Variants in KAT2B observed in about 807,000 individuals in gnomAD.
The protein encoded by KAT2B is histone acetyltransferase KAT2B.
Under a neutral mutation model 105.9 loss-of-function variants are expected in KAT2B, and 36 were observed. The observed-to-expected ratio is 0.34, with a 90% CI of 0.26 to 0.45. The LOEUF is 0.45. KAT2B is among the 20% of genes least tolerant of loss of function. The pLI is 1.00. For synonymous variants in KAT2B, 397 were observed against 377.9 expected, an observed-to-expected ratio of 1.05 and a Z score of -0.59; for missense variants, 820 against 1,021.6, an observed-to-expected ratio of 0.80 and a Z score of 2.69.
intron 1 of KAT2B, among the ~76,000 whole-genome samples, chr3:20,055,414 G>A (rs1697988267): frequency 6.6e-6 from 1 of 152,178 alleles, no homozygotes; most frequent in East Asian, 1.9e-4. Context: ...ACAGAAAGTG[G>A]TAAGTGCCTC....
At chr3:20,062,433 T>C in intron 1 of KAT2B, among the ~76,000 whole-genome samples, 1 of 116,668 alleles carries the variant, frequency 8.6e-6, no homozygotes, top group Admixed American at 1.2e-4. Flanking sequence ...ATATATAATA[T>C]ATAATATATA....
At chr3:20,090,544 C>A (rs909202276) in intron 2 of KAT2B, among the ~76,000 whole-genome samples, 3 of 152,148 alleles carry the variant, frequency 2.0e-5, no homozygotes, top group Non-Finnish European at 4.4e-5. Context: ...ATTAATTCCT[C>A]TTGCTCGTGG....
intron 1 of KAT2B, among the ~76,000 whole-genome samples, chr3:20,063,493 A>C (rs1222986936): frequency 7.0e-6 from 1 of 142,306 alleles, no homozygotes; most frequent in Non-Finnish European, 1.5e-5. Context: ...GCTGGAGTGC[A>C]GTGGTGCGAT....
intron 8 of KAT2B, among the ~76,000 whole-genome samples, chr3:20,121,458 C>A (rs772251043): frequency 7.9e-5 from 12 of 152,124 alleles, no homozygotes; most frequent in Non-Finnish European, 1.3e-4. Flanking sequence ...AACTACCATG[C>A]AATCTCATGA....
At chr3:20,138,071 AT>A (rs1179451114) in intron 12 of KAT2B, among the ~76,000 whole-genome samples, 1 of 152,146 alleles carries the variant, frequency 6.6e-6, no homozygotes, top group South Asian at 2.1e-4. Flanking sequence ...ATTCCTAAAC[AT>A]TTTCATTTAC....
chr3:20,125,334 A>G (rs1288079523), intron 9 of KAT2B, among the ~76,000 whole-genome samples: 1 of 151,146 alleles, frequency 6.6e-6, no homozygotes, highest in Admixed American at 6.6e-5. Context: ...AAGAATATAT[A>G]CATGAGTGCT....
At chr3:20,122,938 G>A in intron 9 of KAT2B, 134 bp downstream of exon 9, 1 of 1,383,720 alleles carries the variant, frequency 7.2e-7, no homozygotes, top group Non-Finnish European at 9.4e-7. Flanking sequence ...TAACCTGGTG[G>A]TCAGTGTGGA....
chr3:20,085,606 G>C (rs545497088), intron 2 of KAT2B, among the ~76,000 whole-genome samples: 1 of 151,474 alleles, frequency 6.6e-6, no homozygotes, highest in Admixed American at 6.6e-5. Flanking sequence ...CACCTCCTGG[G>C]TTCAAGTGAT....
At chr3:20,044,260 C>A (rs989104503) in intron 1 of KAT2B, among the ~76,000 whole-genome samples, 3 of 151,652 alleles carry the variant, frequency 2.0e-5, no homozygotes, top group East Asian at 1.9e-4. Flanking sequence ...GCGGGAGGAT[C>A]ACTTGAGTCC....
At chr3:20,139,230 T>TTA (rs1559330493) in intron 12 of KAT2B, among the ~76,000 whole-genome samples, 30 of 152,230 alleles carry the variant, frequency 2.0e-4, no homozygotes, top group Non-Finnish European at 3.4e-4. Flanking sequence ...TCTTTTTTTT[T>TTA]AAAAATGTGT....
intron 12 of KAT2B, among the ~76,000 whole-genome samples, chr3:20,138,236 TC>T (rs1485673289): frequency 6.6e-6 from 1 of 152,222 alleles, no homozygotes; most frequent in Non-Finnish European, 1.5e-5. Flanking sequence ...ATTTTTCCTC[TC>T]AGCTCATACC....
intron 3 of KAT2B, among the ~76,000 whole-genome samples, chr3:20,099,656 G>GT (rs1698873806): frequency 6.6e-6 from 1 of 152,046 alleles, no homozygotes; most frequent in South Asian, 2.1e-4. Context: ...GCCAATTTGG[G>GT]TTACCTGATA....
At chr3:20,152,006 T>G (rs906748082) in intron 17 of KAT2B, among the ~76,000 whole-genome samples, 3 of 152,156 alleles carry the variant, frequency 2.0e-5, no homozygotes, top group Non-Finnish European at 4.4e-5. Context: ...TCTGACTGAA[T>G]AGCTAACAGT....
rs190633333 is a variant in KAT2B, at chr3:20,069,776, G to A, written c.304-2557G>A. Among the ~76,000 whole-genome samples, 1,019 of 152,004 alleles carry A rather than the reference G, an allele frequency of 6.7e-3. 13 individuals are homozygous for A. The highest frequency in any genetic ancestry group is 0.023 in the African/African-American group (960 of 41,432). On this transcript the variant is annotated intron_variant, in intron 1 of 17. Transcript: ENST00000263754. ...GAACTCCTGACCTCATGATCCACCC[G>A]CCTTGGCCTCCCAAAGTGCTGGAAT...
intron 11 of KAT2B, among the ~76,000 whole-genome samples, chr3:20,135,473 T>C (rs1228198028): frequency 3.9e-5 from 6 of 152,004 alleles, no homozygotes; most frequent in African/African-American, 1.4e-4. Flanking sequence ...GCTAACACAG[T>C]GAAACCCCGT....
intron 1 of KAT2B, among the ~76,000 whole-genome samples, chr3:20,063,534 CTTT>C (rs36058009): frequency 5.4e-4 from 48 of 88,786 alleles, no homozygotes; most frequent in South Asian, 2.5e-3. Flanking sequence ...GAGTAGGCCT[CTTT>C]TTTTTTTTTT....
chr3:20,041,502 G>T (rs1044113990), intron 1 of KAT2B, among the ~76,000 whole-genome samples: 3 of 152,218 alleles, frequency 2.0e-5, no homozygotes, highest in Non-Finnish European at 4.4e-5. Flanking sequence ...TGCTCAGTTT[G>T]AGGACACCCA....
chr3:20,071,628 C>T (rs1289410979), intron 1 of KAT2B, among the ~76,000 whole-genome samples: 10 of 152,172 alleles, frequency 6.6e-5, no homozygotes, highest in Non-Finnish European at 1.5e-4. Flanking sequence ...CTCTTGGCTA[C>T]AAACATAGGG....
At chr3:20,104,960 A>G (rs1052402695) in intron 5 of KAT2B, among the ~76,000 whole-genome samples, 20 of 150,298 alleles carry the variant, frequency 1.3e-4, no homozygotes, top group Non-Finnish European at 2.4e-4. Flanking sequence ...GACTCAGCTC[A>G]CTGCAACCTC....
Sources: allele counts gnomAD v4.1 joint callset (sites outside exome capture counted in the v4.1 genomes callset), GRCh38; gene constraint gnomAD v4.1.1; transcripts MANE v1.5; gene names NCBI Gene and HGNC (gene_info 2026-07-23, HGNC 2026-07-21).